The following DIAPH2 variants were observed in gnomAD, a reference collection of about 807,000 sequenced individuals.
DIAPH2 encodes the protein protein diaphanous homolog 2.
A neutral mutation model predicts 92.7 loss-of-function variants in DIAPH2; 35 were observed. The ratio of observed to expected loss-of-function variants is 0.38; its 90% CI spans 0.29 to 0.50. The LOEUF (loss-of-function observed/expected upper bound fraction) is 0.50. Among genes scored for constraint, DIAPH2 ranks in the 20% least tolerant of loss-of-function variants. The pLI, the probability that DIAPH2 is intolerant of heterozygous loss-of-function variation, is 0.94. For missense variants in DIAPH2, 701 were observed against 819.5 expected (o/e 0.86, Z 1.77); for synonymous variants, 301 against 280.4 (o/e 1.07, Z -0.73).
At chrX:97,469,858 T>A in intron 26 of DIAPH2, 1 of 1,108,796 alleles carries the variant, frequency 9.0e-7, no homozygotes, top group East Asian at 3.2e-5. Flanking sequence ...TCTGGTGCTC[T>A]TTTCTTTCTG....
chrX:96,988,437 T>A (rs2066046947), intron 17 of DIAPH2, among the ~76,000 whole-genome samples: 1 of 109,774 alleles, frequency 9.1e-6, no homozygotes, highest in African/African-American at 3.3e-5. Context: ...TTTTTTTTTT[T>A]AAAGCAAAGA....
At chrX:96,802,390 C>T (rs2147650194) in intron 4 of DIAPH2, among the ~76,000 whole-genome samples, 1 of 111,927 alleles carries the variant, frequency 8.9e-6, no homozygotes, top group East Asian at 2.8e-4. Context: ...AGGCTTCAGG[C>T]TAGATTTGGC....
chrX:97,221,003 G>A (rs2067920127), intron 22 of DIAPH2, among the ~76,000 whole-genome samples: 1 of 111,459 alleles, frequency 9.0e-6, no homozygotes, highest in African/African-American at 3.3e-5. Flanking sequence ...TGTAACAGGA[G>A]CAAATATTGT....
intron 25 of DIAPH2, among the ~76,000 whole-genome samples, chrX:97,385,772 A>G (rs780219112): frequency 3.6e-5 from 4 of 112,162 alleles, no homozygotes; most frequent in African/African-American, 9.7e-5. Context: ...AGCACTTGCT[A>G]TTTACCAAGA....
At chrX:97,468,215 G>A (rs2070531357) in intron 26 of DIAPH2, among the ~76,000 whole-genome samples, 1 of 111,962 alleles carries the variant, frequency 8.9e-6, no homozygotes, top group African/African-American at 3.2e-5. Context: ...TGTTCCGAAT[G>A]TCAGCCTTTG....
chrX:96,930,517 G>T (rs1428990952), intron 9 of DIAPH2, among the ~76,000 whole-genome samples: 1 of 111,026 alleles, frequency 9.0e-6, no homozygotes, highest in Non-Finnish European at 1.9e-5. Context: ...AACATACTTG[G>T]TCATCACATC....
intron 1 of DIAPH2, among the ~76,000 whole-genome samples, chrX:96,711,723 A>G (rs1338529734): frequency 2.7e-5 from 3 of 111,362 alleles, no homozygotes; most frequent in East Asian, 2.8e-4. Flanking sequence ...TAGAGATAGT[A>G]TATGAGGTAA....
intron 26 of DIAPH2, among the ~76,000 whole-genome samples, chrX:97,498,936 A>G (rs189097959): frequency 1.8e-5 from 2 of 111,289 alleles, no homozygotes; most frequent in African/African-American, 3.3e-5. Context: ...AGTGGGGTAA[A>G]TGCTAAAGGT....
chrX:97,052,884 A>C (rs1456872924), intron 17 of DIAPH2, among the ~76,000 whole-genome samples: 4 of 110,784 alleles, frequency 3.6e-5, no homozygotes, highest in African/African-American at 1.3e-4. Context: ...GGCTGATGTT[A>C]ATATTTTTGG....
intron 26 of DIAPH2, among the ~76,000 whole-genome samples, chrX:97,566,250 G>A (rs2071326736): frequency 9.0e-6 from 1 of 111,335 alleles, no homozygotes; most frequent in South Asian, 3.7e-4. Flanking sequence ...AGGGAGCAAC[G>A]GGAAGGTATG....
At chrX:96,823,247 T>C (rs2064790239) in intron 4 of DIAPH2, among the ~76,000 whole-genome samples, 1 of 111,311 alleles carries the variant, frequency 9.0e-6, no homozygotes, top group Admixed American at 9.6e-5. Flanking sequence ...TTCTAGAAAA[T>C]TGTCCTAATG....
chrX:97,550,477 G>C (rs960241837), intron 26 of DIAPH2, among the ~76,000 whole-genome samples: 1 of 111,927 alleles, frequency 8.9e-6, no homozygotes. Flanking sequence ...TTCTCTCATG[G>C]GCTCTTAAGC....
chrX:97,347,236 G>A (rs184851791), intron 23 of DIAPH2, among the ~76,000 whole-genome samples: 56 of 107,839 alleles, frequency 5.2e-4, no homozygotes, highest in Admixed American at 2.3e-3. Context: ...GTACAGGCGC[G>A]TGTCACCATG....
At chrX:96,896,835 T>C (rs963299784) in intron 5 of DIAPH2, among the ~76,000 whole-genome samples, 5 of 112,175 alleles carry the variant, frequency 4.5e-5, no homozygotes, top group Non-Finnish European at 9.4e-5. Flanking sequence ...TTAGGGACTT[T>C]ATACTGCATT....
chrX:97,518,548 G>T (rs1206453389), intron 26 of DIAPH2, among the ~76,000 whole-genome samples: 1 of 109,751 alleles, frequency 9.1e-6, no homozygotes, highest in Non-Finnish European at 1.9e-5. Flanking sequence ...ATATATGTTT[G>T]TGTGTGTATA....
intron 1 of DIAPH2, among the ~76,000 whole-genome samples, chrX:96,695,804 A>G (rs185739136): frequency 1.8e-5 from 2 of 111,397 alleles, no homozygotes; most frequent in East Asian, 5.6e-4. Flanking sequence ...CTATTGTCTG[A>G]CCACGGAGAT....
At chrX:97,073,104 A>G in intron 18 of DIAPH2, 62 bp downstream of exon 18, 1 of 729,999 alleles carries the variant, frequency 1.4e-6, no homozygotes, top group Non-Finnish European at 2.0e-6. Flanking sequence ...GGAGCTGTTT[A>G]ATGTATTTAA....
At chrX:97,475,800 C>A (rs926004150) in intron 26 of DIAPH2, among the ~76,000 whole-genome samples, 6 of 111,916 alleles carry the variant, frequency 5.4e-5, no homozygotes, top group African/African-American at 1.9e-4. Flanking sequence ...ATCATGCTAG[C>A]TAAGTAAAAG....
At chrX:96,722,496 C>A (rs1411964068) in intron 1 of DIAPH2, among the ~76,000 whole-genome samples, 1 of 111,190 alleles carries the variant, frequency 9.0e-6, no homozygotes, top group Non-Finnish European at 1.9e-5. Context: ...GCAGTGTAGG[C>A]AAACCAGGCA....
Sources: gnomAD v4.1 joint callset for allele counts (sites outside exome capture counted in the v4.1 genomes callset) on GRCh38, gnomAD v4.1.1 for gene constraint, MANE v1.5 for transcripts, NCBI Gene and HGNC (gene_info 2026-07-23, HGNC 2026-07-21) for gene names.